Variants in GRIK4 observed in about 807,000 individuals in gnomAD.
GRIK4 encodes glutamate receptor ionotropic, kainate 4.
GRIK4 carries 40 observed loss-of-function variants against 104.9 expected under a neutral mutation model. The observed-to-expected ratio is 0.38, with a 90% CI of 0.30 to 0.50. The LOEUF is 0.50. Among genes scored for constraint, GRIK4 ranks in the 20% least tolerant of loss-of-function variants. GRIK4 has a pLI of 0.93. For synonymous variants in GRIK4, 485 were observed against 524.9 expected, an observed-to-expected ratio of 0.92 and a Z score of 1.04; for missense variants, 1,047 against 1,308.1, an observed-to-expected ratio of 0.80 and a Z score of 3.08.
intron 1 of GRIK4, among the ~76,000 whole-genome samples, chr11:120,650,306 C>T (rs1374133478): frequency 1.3e-5 from 2 of 152,304 alleles, no homozygotes; most frequent in South Asian, 2.1e-4. Context: ...GGCTTTTGTA[C>T]TTACGGATGC....
At chr11:120,558,301 C>T (rs1374439321) in intron 1 of GRIK4, among the ~76,000 whole-genome samples, 1 of 151,814 alleles carries the variant, frequency 6.6e-6, no homozygotes, top group African/African-American at 2.4e-5. Flanking sequence ...AAGTTAAAAC[C>T]CTCAGGCTGT....
At chr11:120,716,635 T>C (rs1327742965) in intron 3 of GRIK4, among the ~76,000 whole-genome samples, 1 of 152,198 alleles carries the variant, frequency 6.6e-6, no homozygotes, top group Non-Finnish European at 1.5e-5. Flanking sequence ...CTCTGCCTTC[T>C]AAGTGTTGGC....
intron 18 of GRIK4, among the ~76,000 whole-genome samples, chr11:120,964,543 G>A (rs138605143): frequency 1.9e-3 from 291 of 152,238 alleles, no homozygotes; most frequent in African/African-American, 6.4e-3. Context: ...AGATGGTAGC[G>A]TGAACTGCAA....
At chr11:120,849,101 A>G (rs1953918157) in intron 8 of GRIK4, among the ~76,000 whole-genome samples, 2 of 152,134 alleles carry the variant, frequency 1.3e-5, no homozygotes, top group Admixed American at 1.3e-4. Flanking sequence ...AGTTTGAGAT[A>G]CTTGTGTAGC....
At chr11:120,693,573 T>C (rs2135315090) in intron 3 of GRIK4, among the ~76,000 whole-genome samples, 1 of 152,318 alleles carries the variant, frequency 6.6e-6, no homozygotes, top group African/African-American at 2.4e-5. Flanking sequence ...TGTCAGATAC[T>C]GGGAAAGTCC....
chr11:120,721,651 G>A (rs1950935295), intron 3 of GRIK4, among the ~76,000 whole-genome samples: 1 of 152,106 alleles, frequency 6.6e-6, no homozygotes, highest in Admixed American at 6.5e-5. Context: ...CTAGTTGTGT[G>A]GTACCTGGCC....
intron 3 of GRIK4, among the ~76,000 whole-genome samples, chr11:120,674,845 G>A (rs1950074222): frequency 6.6e-6 from 1 of 152,230 alleles, no homozygotes; most frequent in African/African-American, 2.4e-5. Flanking sequence ...CCACAAGCCT[G>A]AGTAGAATTG....
intron 1 of GRIK4, among the ~76,000 whole-genome samples, chr11:120,619,031 T>A (rs1949150428): frequency 1.3e-5 from 2 of 152,154 alleles, no homozygotes; most frequent in Admixed American, 6.5e-5. Context: ...AGCTTGTATC[T>A]TGTGCCTGGA....
intron 18 of GRIK4, among the ~76,000 whole-genome samples, chr11:120,966,991 C>G (rs1041220818): frequency 6.6e-6 from 1 of 152,150 alleles, no homozygotes; most frequent in African/African-American, 2.4e-5. Context: ...CTGCGTGAAG[C>G]CAGAATGCCC....
chr11:120,592,159 G>A (rs1565564331), intron 1 of GRIK4, among the ~76,000 whole-genome samples: 2 of 152,162 alleles, frequency 1.3e-5, no homozygotes, highest in South Asian at 2.1e-4. Context: ...TTATTTAAGT[G>A]TTTTACAGGT....
chr11:120,673,911 C>T (rs1950059720), intron 3 of GRIK4, among the ~76,000 whole-genome samples: 1 of 152,212 alleles, frequency 6.6e-6, no homozygotes, highest in Non-Finnish European at 1.5e-5. Context: ...TCAAGTAACT[C>T]ATTCCTCCTT....
Position 120,952,923 on chromosome 11 carries a change from A to G in GRIK4, c.1659A>G (p.Leu553=). ...FSPGVWLFML[L]AYLAVSCVLF... is the part of the protein sequence containing the mutation. Reference sequence around the variant, plus strand: ...CGGGCGTCTGGCTCTTCATGCTTCTAGCCTATCTGGCCGTCAGCTGTGTCC... The same window carrying G: ...CGGGCGTCTGGCTCTTCATGCTTCTGGCCTATCTGGCCGTCAGCTGTGTCC... Residue 553 remains leucine, a synonymous_variant, in exon 15 of 21, where the codon CTA becomes CTG. Transcript: ENST00000527524. This position sits in a 1 kb window ranked among gnomAD's most constrained non-coding sequence, Gnocchi z 5.2. 6.2e-7 allele frequency: 1 copy of G among 1,613,594 alleles called. No homozygotes were observed. The highest frequency in any genetic ancestry group is 8.5e-7 in the Non-Finnish European group (1 of 1,179,858).
intron 1 of GRIK4, among the ~76,000 whole-genome samples, chr11:120,512,691 G>C (rs2136066702): frequency 6.6e-6 from 1 of 152,226 alleles, no homozygotes; most frequent in East Asian, 1.9e-4. Flanking sequence ...TCTTCAGTGA[G>C]GACTGGCAGA....
intron 3 of GRIK4, among the ~76,000 whole-genome samples, chr11:120,732,102 T>G (rs930564558): frequency 6.6e-6 from 1 of 152,112 alleles, no homozygotes; most frequent in Non-Finnish European, 1.5e-5. Flanking sequence ...GCTCTTGGTT[T>G]TCTAGTTCTT....
At chr11:120,787,168 A>C (rs144062444) in intron 3 of GRIK4, among the ~76,000 whole-genome samples, 50 of 152,120 alleles carry the variant, frequency 3.3e-4, no homozygotes, top group African/African-American at 8.4e-4. Flanking sequence ...ACAACAACAA[A>C]AAAAATACGA....
At chr11:120,921,607 T>C (rs1943229890) in intron 13 of GRIK4, among the ~76,000 whole-genome samples, 1 of 152,176 alleles carries the variant, frequency 6.6e-6, no homozygotes, top group African/African-American at 2.4e-5. Context: ...CTCCCGCTCC[T>C]GCCTCCACCC....
At position 120,549,059 on chromosome 11, in the gene GRIK4, T is replaced by C. The variant is rs1948114187; in HGVS notation, c.-159+37172T>C. ...TCCTGGCTTTGTCATCCCAGGCAGCTGTGGTATGAAGGGGGCTCTGAAGGA... is the reference window on the plus strand; with the variant it reads ...TCCTGGCTTTGTCATCCCAGGCAGCCGTGGTATGAAGGGGGCTCTGAAGGA... On this transcript the variant is annotated intron_variant, in intron 1 of 20. Coordinates refer to ENST00000527524, the MANE Select transcript of GRIK4 (RefSeq NM_014619.5). This position sits in a 1 kb window ranked among gnomAD's most constrained non-coding sequence, Gnocchi z 4.7. Among the ~76,000 whole-genome samples, 1 of 151,670 alleles carries C rather than the reference T, an allele frequency of 6.6e-6. No homozygotes were observed. The highest frequency in any genetic ancestry group is 2.1e-4 in the South Asian group (1 of 4,818).
intron 3 of GRIK4, among the ~76,000 whole-genome samples, chr11:120,706,045 G>A (rs2135343512): frequency 6.6e-6 from 1 of 152,254 alleles, no homozygotes; most frequent in African/African-American, 2.4e-5. Context: ...CCAGCATCGG[G>A]CCTGCTCTTG....
At chr11:120,751,601 A>G (rs1951554119) in intron 3 of GRIK4, among the ~76,000 whole-genome samples, 2 of 152,126 alleles carry the variant, frequency 1.3e-5, no homozygotes, top group Admixed American at 1.3e-4. Context: ...TTCTGGGCCC[A>G]GGTTCTGGAG....
Sources: gnomAD v4.1 joint callset for allele counts (sites outside exome capture counted in the v4.1 genomes callset) on GRCh38, gnomAD v4.1.1 for gene constraint, Gnocchi (gnomAD v3.1) non-coding constraint, MANE v1.5 for transcripts, NCBI Gene and HGNC (gene_info 2026-07-23, HGNC 2026-07-21) for gene names.